GALNTL6: variants seen among roughly 807,000 people sequenced by gnomAD.
GALNTL6 encodes the protein polypeptide N-acetylgalactosaminyltransferase-like 6.
GALNTL6 carries 46 observed loss-of-function variants against 73.7 expected under a neutral mutation model. The observed-to-expected ratio is 0.62, with a 90% CI of 0.49 to 0.80. GALNTL6 has a LOEUF of 0.80. Among genes scored for constraint, GALNTL6 ranks in the 30% least tolerant of loss-of-function variants. The pLI is 0.00. For missense variants in GALNTL6, 604 were observed against 755.0 expected, an observed-to-expected ratio of 0.80 and a Z score of 2.34; for synonymous variants, 259 against 263.7, an observed-to-expected ratio of 0.98 and a Z score of 0.17.
intron 5 of GALNTL6, among the ~76,000 whole-genome samples, chr4:172,352,958 T>G (rs1391910431): frequency 1.3e-5 from 2 of 152,096 alleles, no homozygotes; most frequent in Non-Finnish European, 2.9e-5. Context: ...TCCAGCTTAC[T>G]TTTGCTTAGA....
intron 2 of GALNTL6, among the ~76,000 whole-genome samples, chr4:171,942,243 TAA>T (rs57804381): frequency 1.4e-3 from 204 of 144,774 alleles, no homozygotes; most frequent in African/African-American, 5.1e-3. Context: ...AATAAATAGA[TAA>T]ATAAATAAAT....
chr4:171,816,223 A>C (rs767123778), intron 2 of GALNTL6: 3 of 152,110 alleles, frequency 2.0e-5, no homozygotes, highest in Non-Finnish European at 4.4e-5. Flanking sequence ...TGCTAATTCA[A>C]TTAACAATAA....
chr4:172,180,416 A>C (rs1735202950), intron 2 of GALNTL6, among the ~76,000 whole-genome samples: 1 of 151,462 alleles, frequency 6.6e-6, no homozygotes, highest in Non-Finnish European at 1.5e-5. Context: ...TTCTGGTGAT[A>C]GTTTTTTTTT....
chr4:172,385,877 A>G (rs550806800), intron 5 of GALNTL6, among the ~76,000 whole-genome samples: 1 of 151,970 alleles, frequency 6.6e-6, no homozygotes, highest in South Asian at 2.1e-4. Context: ...CATATTTTCA[A>G]GTGTACTATT....
At chr4:172,962,342 C>A (rs1226690912) in intron 10 of GALNTL6, among the ~76,000 whole-genome samples, 4 of 152,190 alleles carry the variant, frequency 2.6e-5, no homozygotes, top group African/African-American at 9.6e-5. Flanking sequence ...TATATTTAAT[C>A]AAGCTAAGTA....
In GALNTL6 at chr4:172,814,843, G is replaced by A. The variant is rs562779735; in HGVS notation, c.923+1120G>A. ...TCAGAAGACGTTAGCCTGATACCACGCGAGAGAAGTCGTTTCTTTTGTAAA... is the reference window on the plus strand; with the variant it reads ...TCAGAAGACGTTAGCCTGATACCACACGAGAGAAGTCGTTTCTTTTGTAAA... On this transcript the variant is annotated intron_variant, in intron 7 of 12. Transcript: ENST00000506823. 8.5e-5 allele frequency among the ~76,000 whole-genome samples: 13 copies of A among 152,220 alleles called. No homozygotes were observed. In the East Asian group the frequency reaches 1.4e-3, roughly 16 times the overall value.
intron 5 of GALNTL6, among the ~76,000 whole-genome samples, chr4:172,714,078 G>A (rs1022985860): frequency 6.6e-5 from 10 of 152,168 alleles, no homozygotes; most frequent in Non-Finnish European, 1.5e-4. Context: ...GTAGTTGAGT[G>A]TGGTTGTGGT....
intron 7 of GALNTL6, among the ~76,000 whole-genome samples, chr4:172,842,736 G>C (rs1230888152): frequency 6.6e-6 from 1 of 151,498 alleles, no homozygotes; most frequent in African/African-American, 2.4e-5. Flanking sequence ...GAGAGTAAGA[G>C]GGTTTCTCAT....
At chr4:172,046,580 A>G (rs1298170928) in intron 2 of GALNTL6, among the ~76,000 whole-genome samples, 1 of 151,846 alleles carries the variant, frequency 6.6e-6, no homozygotes, top group Non-Finnish European at 1.5e-5. Context: ...GTGTGAGATG[A>G]TCTCTCTTCA....
At chr4:172,160,105 T>C (rs1229591076) in intron 2 of GALNTL6, among the ~76,000 whole-genome samples, 1 of 151,964 alleles carries the variant, frequency 6.6e-6, no homozygotes, top group African/African-American at 2.4e-5. Flanking sequence ...ATGGAGATAT[T>C]TGTGAGATGT....
At chr4:172,883,237 T>A (rs1281371226) in intron 8 of GALNTL6, among the ~76,000 whole-genome samples, 1 of 152,214 alleles carries the variant, frequency 6.6e-6, no homozygotes, top group Non-Finnish European at 1.5e-5. Context: ...TCTTCTCCTC[T>A]AGCTATCTTG....
chr4:172,115,239 CTCTT>C (rs1443092823), intron 2 of GALNTL6, among the ~76,000 whole-genome samples: 8 of 151,976 alleles, frequency 5.3e-5, no homozygotes, highest in South Asian at 4.1e-4. Context: ...AATTATAGTT[CTCTT>C]TCTAAGTGTA....
At position 172,451,581 on chromosome 4, in the gene GALNTL6, C is replaced by G. The variant is rs186136119; in HGVS notation, c.553+102892C>G. On this transcript the variant is annotated intron_variant, in intron 5 of 12. Transcript: ENST00000506823. ...TGGGATCTGACTTCTTCAGCTTATA[C>G]AGATGCAAGATGGGTCAGTGATGCC... Among the ~76,000 whole-genome samples, 4 of 152,244 alleles carry G rather than the reference C, an allele frequency of 2.6e-5. No individual in the cohort carries two copies. In the East Asian group the frequency reaches 7.7e-4, roughly 29 times the overall value.
chr4:172,866,489 T>C (rs1029551896), intron 7 of GALNTL6, among the ~76,000 whole-genome samples: 1 of 152,234 alleles, frequency 6.6e-6, no homozygotes, highest in Non-Finnish European at 1.5e-5. Flanking sequence ...GTTGTGAGAA[T>C]AGACTGAGTT....
At chr4:172,458,527 G>A (rs1004376565) in intron 5 of GALNTL6, among the ~76,000 whole-genome samples, 2 of 152,008 alleles carry the variant, frequency 1.3e-5, no homozygotes, top group African/African-American at 2.4e-5. Flanking sequence ...CAATAAAAAT[G>A]ATAAAGGGGA....
intron 5 of GALNTL6, among the ~76,000 whole-genome samples, chr4:172,519,665 A>AT (rs1734715317): frequency 6.6e-6 from 1 of 151,626 alleles, no homozygotes; most frequent in African/African-American, 2.4e-5. Flanking sequence ...ATTTAAAGTA[A>AT]TTTTTTATAA....
At chr4:172,476,493 T>C (rs1203543943) in intron 5 of GALNTL6, among the ~76,000 whole-genome samples, 2 of 152,216 alleles carry the variant, frequency 1.3e-5, no homozygotes, top group Non-Finnish European at 2.9e-5. Context: ...GTGTCTAAGC[T>C]TGAAGCCGTC....
chr4:172,275,489 A>C (rs1196172390), intron 3 of GALNTL6, among the ~76,000 whole-genome samples: 2 of 152,228 alleles, frequency 1.3e-5, no homozygotes, highest in Non-Finnish European at 2.9e-5. Context: ...AAAAATAGAA[A>C]TAATGATAGT....
intron 4 of GALNTL6, among the ~76,000 whole-genome samples, chr4:172,319,980 C>T (rs1432030804): frequency 6.6e-6 from 1 of 152,100 alleles, no homozygotes; most frequent in African/African-American, 2.4e-5. Context: ...CAGACAGATG[C>T]AACCAAGAAC....
Sources: allele counts gnomAD v4.1 joint callset (sites outside exome capture counted in the v4.1 genomes callset), GRCh38; gene constraint gnomAD v4.1.1; transcripts MANE v1.5; gene names NCBI Gene and HGNC (gene_info 2026-07-23, HGNC 2026-07-21).